ADAMTS19: variants seen among roughly 807,000 people sequenced by gnomAD.
ADAMTS19 encodes ADAM metallopeptidase with thrombospondin type 1 motif 19, also known as A disintegrin and metalloproteinase with thrombospondin motifs 19.
A neutral mutation model predicts 153.3 loss-of-function variants in ADAMTS19; 93 were observed. The ratio of observed to expected loss-of-function variants is 0.61; its 90% confidence interval spans 0.51 to 0.72. The LOEUF is 0.72. Ranked by LOEUF, ADAMTS19 falls within the 30% of genes least tolerant of loss-of-function variation. The pLI is 0.00. For missense variants in ADAMTS19, 1,482 were observed against 1,552.1 expected (o/e 0.95, Z 0.76); for synonymous variants, 600 against 556.6 (o/e 1.08, Z -1.10).
chr5:129,526,485 T>A (rs773739472), intron 4 of ADAMTS19, 29 bp downstream of exon 4: 3 of 1,566,282 alleles, frequency 1.9e-6, no homozygotes, highest in Non-Finnish European at 2.6e-6. Flanking sequence ...GCGCTTGGAA[T>A]TTTTTCAAGA....
At chr5:129,608,114 G>GTATATATATATATATATATATATA (rs1235116462) in intron 8 of ADAMTS19, among the ~76,000 whole-genome samples, 44 of 28,722 alleles carry the variant, frequency 1.5e-3, no homozygotes, top group African/African-American at 2.9e-3. Context: ...GTGTGTGTGT[G>GTATATATATATATATATATATATA]TGTATATATA....
Position 129,519,494 on chromosome 5 carries a change from A to G in ADAMTS19, c.914-6790A>G, listed in dbSNP as rs1448585903. Among the ~76,000 whole-genome samples, 3 of 151,964 alleles carry G rather than the reference A, an allele frequency of 2.0e-5. No individual in the cohort carries two copies. The East Asian group carries it at 5.8e-4, about 29-fold the overall frequency. The stretch of plus-strand genomic sequence containing the variant: ...GCCATCCTAGCTGGTGTCTCAGTAT[A>G]TTGTGTGTACCTCCTAGTCCACTGT... On this transcript the variant is annotated intron_variant, in intron 3 of 22. Coordinates refer to ENST00000274487, the MANE Select transcript of ADAMTS19 (RefSeq NM_133638.6).
chr5:129,490,320 G>A lies in ADAMTS19; in HGVS notation c.748-18757G>A, dbSNP rs116652937. 9.2e-3 allele frequency among the ~76,000 whole-genome samples: 1,402 copies of A among 152,298 alleles called. 12 individuals are homozygous for A. The highest frequency in any genetic ancestry group is 0.013 in the Non-Finnish European group (873 of 68,014). The stretch of plus-strand genomic sequence containing the variant: ...ACTTCCCATGGCCAAGTGATCAACT[G>A]TAAAATGCACACCCATGAGATGATG... On this transcript the variant is annotated intron_variant, in intron 2 of 22. Transcript: ENST00000274487.
intron 2 of ADAMTS19, among the ~76,000 whole-genome samples, chr5:129,508,853 G>T (rs370930602): frequency 6.6e-6 from 1 of 151,788 alleles, no homozygotes. Context: ...CCACCCACAC[G>T]GATTAAGACT....
intron 19 of ADAMTS19, among the ~76,000 whole-genome samples, chr5:129,697,260 G>A (rs1755601524): frequency 6.6e-6 from 1 of 152,120 alleles, no homozygotes; most frequent in African/African-American, 2.4e-5. Flanking sequence ...AATGAGGCAT[G>A]TCTACCCACC....
chr5:129,654,514 A>C, intron 14 of ADAMTS19, 81 bp downstream of exon 14: 2 of 1,463,724 alleles, frequency 1.4e-6, no homozygotes, highest in Non-Finnish European at 1.9e-6. Flanking sequence ...AGCATGGTGG[A>C]AAGCTTTGGA....
At chr5:129,499,535 G>T (rs1373861564) in intron 2 of ADAMTS19, among the ~76,000 whole-genome samples, 1 of 152,066 alleles carries the variant, frequency 6.6e-6, no homozygotes, top group Non-Finnish European at 1.5e-5. Flanking sequence ...CAAAGGAAAA[G>T]ATAGAAAAGG....
At chr5:129,618,190 A>G (rs1166580973) in intron 8 of ADAMTS19, among the ~76,000 whole-genome samples, 2 of 152,098 alleles carry the variant, frequency 1.3e-5, no homozygotes, top group African/African-American at 4.8e-5. Context: ...GAACTGGTTC[A>G]TACCTATTTC....
chr5:129,672,488 T>G (rs896587838), intron 16 of ADAMTS19, among the ~76,000 whole-genome samples: 2 of 152,150 alleles, frequency 1.3e-5, no homozygotes, highest in African/African-American at 4.8e-5. Flanking sequence ...ACAGGGACTC[T>G]GTGGACAGAA....
chr5:129,606,733 A>G (rs1354259827), intron 8 of ADAMTS19, among the ~76,000 whole-genome samples: 1 of 152,134 alleles, frequency 6.6e-6, no homozygotes, highest in Admixed American at 6.5e-5. Flanking sequence ...ATGAATGCAA[A>G]TGAACTGTAA....
At chr5:129,638,506 A>G (rs39590) in intron 10 of ADAMTS19, among the ~76,000 whole-genome samples, 72,124 of 151,302 alleles carry the variant, frequency 0.48, 19,828 homozygotes, top group African/African-American at 0.76. Flanking sequence ...AAGAATTAGA[A>G]TTCAGCTTTA....
chr5:129,479,568 T>C (rs1267748555), intron 2 of ADAMTS19, among the ~76,000 whole-genome samples: 2 of 152,168 alleles, frequency 1.3e-5, no homozygotes, highest in Non-Finnish European at 2.9e-5. Context: ...TGATGGTCTA[T>C]AGAGACAATC....
intron 6 of ADAMTS19, among the ~76,000 whole-genome samples, chr5:129,534,501 G>A (rs917562053): frequency 3.3e-5 from 5 of 152,094 alleles, no homozygotes; most frequent in Admixed American, 2.6e-4. Flanking sequence ...GGTACAAGGA[G>A]GAGCTGGTAC....
intron 7 of ADAMTS19, among the ~76,000 whole-genome samples, chr5:129,565,237 C>T (rs1387394356): frequency 6.6e-6 from 1 of 152,096 alleles, no homozygotes; most frequent in Non-Finnish European, 1.5e-5. Context: ...GTATTAGAAG[C>T]TGATTCTATA....
intron 11 of ADAMTS19, among the ~76,000 whole-genome samples, chr5:129,647,214 GAAAAAAA>G (rs34958335): frequency 2.0e-5 from 2 of 102,312 alleles, no homozygotes; most frequent in Non-Finnish European, 4.2e-5. Context: ...AATTCTTTCA[GAAAAAAA>G]AAAAAAAAAA....
chr5:129,702,941 A>AAAAAAAAAAATAT, intron 20 of ADAMTS19, among the ~76,000 whole-genome samples: 17 of 29,306 alleles, frequency 5.8e-4, no homozygotes, highest in African/African-American at 1.3e-3. Flanking sequence ...AAAAAAAAAA[A>AAAAAAAAAAATAT]ATATATATAT....
chr5:129,704,297 G>A lies in ADAMTS19; in HGVS notation c.3218G>A (p.Arg1073Lys), dbSNP rs1756043987. 6.2e-7 allele frequency: 1 copy of A among 1,614,020 alleles called. No individual in the cohort carries two copies. Among genetic ancestry groups the A allele is most frequent in the African/African-American group, 1.3e-5 (1 of 74,916 alleles). ...CGGACCGTTAGATGTACCAACCCAA[G>A]AAAGAAGTGTGTCCTCTCTACCAGA... ...RHRTVRCTNPRKKCVLSTRPR... is the reference protein window; with the variant it reads ...RHRTVRCTNPKKKCVLSTRPR... The change falls in exon 21 of 23, where the codon AGA (arginine) becomes AAA (lysine). Residue 1073 changes from arginine (R) to lysine (K), a missense_variant. Physicochemically the swap from Arg to Lys is conservative, Grantham distance 26. Coordinates refer to ENST00000274487, the MANE Select transcript of ADAMTS19 (RefSeq NM_133638.6).
chr5:129,551,984 T>G, intron 7 of ADAMTS19, 77 bp downstream of exon 7: 4 of 937,422 alleles, frequency 4.3e-6, no homozygotes, highest in Non-Finnish European at 6.3e-6. Flanking sequence ...AGGAAATTAT[T>G]TGTGTTCTGG....
chr5:129,495,201 C>T (rs1004001881), intron 2 of ADAMTS19, among the ~76,000 whole-genome samples: 4 of 152,044 alleles, frequency 2.6e-5, no homozygotes, highest in African/African-American at 9.7e-5. Context: ...TAAATTAAAA[C>T]ACTTTCCATT....
Sources: allele counts gnomAD v4.1 joint callset (sites outside exome capture counted in the v4.1 genomes callset), GRCh38; gene constraint gnomAD v4.1.1; transcripts MANE v1.5; gene names NCBI Gene and HGNC (gene_info 2026-07-23, HGNC 2026-07-21).